MICAL2: variants seen among roughly 807,000 people sequenced by gnomAD.
MICAL2 encodes [F-actin]-monooxygenase MICAL2.
In MICAL2, 77 loss-of-function variants were observed where a neutral mutation model predicts 127.3. The observed-to-expected ratio is 0.60, with a 90% confidence interval of 0.50 to 0.73. The LOEUF is 0.73. Among genes scored for constraint, MICAL2 ranks in the 30% least tolerant of loss-of-function variants. The probability of loss-of-function intolerance (pLI) is 0.00; values close to 1 mark genes in which losing one functional copy is unlikely to be tolerated. For missense variants in MICAL2, 1,351 were observed against 1,434.4 expected (o/e 0.94, Z 0.94); for synonymous variants, 570 against 551.1 (o/e 1.03, Z -0.48).
intron 1 of MICAL2, among the ~76,000 whole-genome samples, chr11:12,117,673 A>C (rs2133443537): frequency 6.6e-6 from 1 of 152,304 alleles, no homozygotes; most frequent in South Asian, 2.1e-4. Context: ...ACAACTGTTC[A>C]TCCAAAAGGA....
At position 12,255,706 on chromosome 11, in the gene MICAL2, A is replaced by C; in HGVS notation, c.2911A>C (p.Met971Leu). 3.7e-6 allele frequency: 6 copies of C among 1,614,146 alleles called. No individual in the cohort carries two copies. The highest frequency in any genetic ancestry group is 5.1e-6 in the Non-Finnish European group (6 of 1,180,008). Residue 971 changes from methionine to leucine, a missense_variant, in exon 23 of 28, where the codon ATG becomes CTG. Around this residue, in one of 2 missense-constraint regions of MICAL2, gnomAD observed 752 missense variants for 719.4 expected, o/e 1.05. Transcript: ENST00000683283. ...AAAEVLVNLY[M>L]NDHRPKAQAT... The stretch of plus-strand genomic sequence containing the variant: ...AGCTGAAGTCCTGGTCAATCTGTAC[A>C]TGAATGATCACAGACCTAAGGCCCA...
chr11:12,170,916 A>ATTGT (rs1489701899), intron 3 of MICAL2, among the ~76,000 whole-genome samples: 13 of 152,358 alleles, frequency 8.5e-5, no homozygotes, highest in African/African-American at 3.1e-4. Context: ...GGCACAGGGA[A>ATTGT]GATGCACAGG....
chr11:12,147,123 T>C (rs1853008581), intron 2 of MICAL2, among the ~76,000 whole-genome samples: 1 of 152,058 alleles, frequency 6.6e-6, no homozygotes, highest in Admixed American at 6.5e-5. Context: ...GACGAGTTAA[T>C]GGGTGCAGCA....
At chr11:12,149,375 G>A (rs1182805293) in intron 2 of MICAL2, among the ~76,000 whole-genome samples, 7 of 152,276 alleles carry the variant, frequency 4.6e-5, no homozygotes, top group African/African-American at 1.7e-4. Context: ...GAAGGATTTT[G>A]AACAGCAATG....
Position 12,213,420 on chromosome 11 carries a change from T to G in MICAL2, c.847+10T>G. On this transcript the variant is annotated intron_variant, in intron 7 of 27. Coordinates refer to ENST00000683283, the MANE Select transcript of MICAL2 (RefSeq NM_001282663.2). ...CTTAAAGAAGAAACAGGTGGGACCT[T>G]CACCTTTCTCCCAACCAGGCCAAGG... 6.2e-7 allele frequency: 1 copy of G among 1,611,028 alleles called. No homozygotes were observed. Among genetic ancestry groups the G allele is most frequent in the Non-Finnish European group, 8.5e-7 (1 of 1,178,230 alleles).
intron 32 of MICAL2, among the ~76,000 whole-genome samples, chr11:12,339,010 A>G (rs1938814517): frequency 6.6e-6 from 1 of 152,200 alleles, no homozygotes; most frequent in African/African-American, 2.4e-5. Context: ...CTGCCTTGCT[A>G]GATTGGGGAA....
intron 22 of MICAL2, 39 bp downstream of exon 22, chr11:12,249,285 G>A: frequency 8.2e-7 from 1 of 1,217,408 alleles, no homozygotes; most frequent in Non-Finnish European, 1.2e-6. Flanking sequence ...TGCCTCACCT[G>A]CAAAGGGGGA....
At chr11:12,284,735 G>A (rs1181233832) in intron 2 of MICAL2, among the ~76,000 whole-genome samples, 1 of 152,184 alleles carries the variant, frequency 6.6e-6, no homozygotes, top group East Asian at 1.9e-4. Flanking sequence ...GAAAGCCCAG[G>A]CAGCCAGCAA....
intron 32 of MICAL2, among the ~76,000 whole-genome samples, chr11:12,340,467 A>G (rs1020881358): frequency 1.2e-4 from 18 of 152,198 alleles, no homozygotes; most frequent in African/African-American, 4.3e-4. Flanking sequence ...ACTTTGGAAA[A>G]CAATTGGGCT....
At chr11:12,127,395 A>G (rs1851029531) in intron 1 of MICAL2, among the ~76,000 whole-genome samples, 1 of 152,206 alleles carries the variant, frequency 6.6e-6, no homozygotes, top group African/African-American at 2.4e-5. Context: ...AAAAAAACAA[A>G]ACAAGATAAC....
intron 10 of MICAL2, 52 bp downstream of exon 10, chr11:12,221,811 A>G: frequency 6.8e-7 from 1 of 1,471,654 alleles, no homozygotes; most frequent in Non-Finnish European, 9.5e-7. Flanking sequence ...CTCAGGCAGG[A>G]AAGGGGGCAA....
chr11:12,265,330 A>T (rs1341980924), downstream of MICAL2, among the ~76,000 whole-genome samples: 1 of 152,208 alleles, frequency 6.6e-6, no homozygotes, highest in Non-Finnish European at 1.5e-5. Context: ...TTGGTAGACT[A>T]GTGTTTAATT....
chr11:12,236,141 C>T (rs1447141341), intron 15 of MICAL2, 36 bp from the exon 16 acceptor site: 2 of 1,588,420 alleles, frequency 1.3e-6, no homozygotes, highest in Admixed American at 1.7e-5. Flanking sequence ...CCCTTGGTGG[C>T]CCCCAGAGCT....
At chr11:12,268,981 G>A (rs963156599) in intron 24 of MICAL2, among the ~76,000 whole-genome samples, 21 of 151,946 alleles carry the variant, frequency 1.4e-4, no homozygotes, top group Non-Finnish European at 2.4e-4. Context: ...CCTCGGCGAC[G>A]AGCGAGACTC....
chr11:12,145,344 G>C (rs1030074047), intron 2 of MICAL2, among the ~76,000 whole-genome samples: 24 of 152,216 alleles, frequency 1.6e-4, no homozygotes, highest in Non-Finnish European at 7.3e-5. Flanking sequence ...GCATCTTCTA[G>C]GCCGGGGCCT....
At position 12,239,605 on chromosome 11, in the gene MICAL2, C is replaced by T. The variant is rs748698629; in HGVS notation, c.2214+20C>T. On this transcript the variant is annotated intron_variant, in intron 17 of 27. Coordinates refer to ENST00000683283, the MANE Select transcript of MICAL2 (RefSeq NM_001282663.2). ...AAGCAGGTGAGTCATGTCAAATACTCACTGGACCTAACTTCCTGGTGACTT... is the reference window on the plus strand; with the variant it reads ...AAGCAGGTGAGTCATGTCAAATACTTACTGGACCTAACTTCCTGGTGACTT... The T allele has an allele frequency of 4.4e-6, 7 of 1,608,958 alleles. No homozygotes were observed. In the South Asian group the frequency reaches 4.4e-5, roughly 10 times the overall value.
intron 21 of MICAL2, 75 bp from the exon 22 acceptor site, chr11:12,249,109 C>G: frequency 6.3e-7 from 1 of 1,596,786 alleles, no homozygotes; most frequent in Non-Finnish European, 8.5e-7. Flanking sequence ...TAAAGCTTCT[C>G]TTTCCCCAGT....
chr11:12,240,896 G>C (rs1043918456), intron 17 of MICAL2, 144 bp from the exon 18 acceptor site: 1 of 1,059,606 alleles, frequency 9.4e-7, no homozygotes, highest in African/African-American at 1.6e-5. Context: ...CGGCTTGCGG[G>C]AGCTCAGCCC....
At chr11:12,173,003 A>T (rs886598174) in intron 3 of MICAL2, among the ~76,000 whole-genome samples, 2 of 152,182 alleles carry the variant, frequency 1.3e-5, no homozygotes, top group African/African-American at 4.8e-5. Flanking sequence ...TATATACTTA[A>T]GAGAAGTTGT....
Sources: allele counts gnomAD v4.1 joint callset (sites outside exome capture counted in the v4.1 genomes callset), GRCh38; gene constraint gnomAD v4.1.1; regional missense constraint gnomAD v4.1.1; transcripts MANE v1.5; gene names NCBI Gene and HGNC (gene_info 2026-07-23, HGNC 2026-07-21).